LDLRAP1: variants seen among roughly 807,000 people sequenced by gnomAD.
LDLRAP1 encodes low density lipoprotein receptor adaptor protein 1.
Under a neutral mutation model 37.8 loss-of-function variants are expected in LDLRAP1, and 30 were observed. The ratio of observed to expected loss-of-function variants is 0.79; its 90% CI spans 0.59 to 1.08. LDLRAP1 has a LOEUF of 1.08. Ranked by LOEUF, LDLRAP1 falls within the 50% of genes least tolerant of loss-of-function variation. The pLI is 0.00. For missense variants in LDLRAP1, 375 were observed against 401.6 expected (o/e 0.93, Z 0.57); for synonymous variants, 156 against 169.8 (o/e 0.92, Z 0.63).
chr1:25,557,546 G>T, intron 4 of LDLRAP1: 1 of 511,322 alleles, frequency 2.0e-6, no homozygotes, highest in South Asian at 2.2e-5. Context: ...GGGATTTGCT[G>T]GGTTGAGATT....
In LDLRAP1 at chr1:25,544,274, G is replaced by C. The variant is rs1417749550; in HGVS notation, c.88+488G>C. 6.6e-6 allele frequency among the ~76,000 whole-genome samples: 1 copy of C among 152,094 alleles called. No individual in the cohort carries two copies. The highest frequency in any genetic ancestry group is 2.4e-5 in the African/African-American group (1 of 41,444). The stretch of plus-strand genomic sequence containing the variant: ...TGGCCCGTTCTCCCGCCCCCTGCCC[G>C]ACCCACCGGGCCAACTTTTGACTCC... On this transcript the variant is annotated intron_variant, in intron 1 of 8. Transcript: ENST00000374338. The surrounding 1 kb of genome is among the most constrained non-coding windows in gnomAD (Gnocchi z 4.8).
At chr1:25,589,898 C>G in the LDLRAP1 span, among the ~76,000 whole-genome samples, 2 of 152,172 alleles carry the variant, frequency 1.3e-5, no homozygotes, top group East Asian at 3.8e-4. Context: ...GTCAAGAGAT[C>G]GAGGCCATCC....
At chr1:25,584,854 G>A in the LDLRAP1 span, among the ~76,000 whole-genome samples, 1 of 152,088 alleles carries the variant, frequency 6.6e-6, no homozygotes, top group South Asian at 2.1e-4. Flanking sequence ...TCAATTCTGG[G>A]GCAAATGGAA....
At chr1:25,576,582 G>A in the LDLRAP1 span, among the ~76,000 whole-genome samples, 6 of 152,290 alleles carry the variant, frequency 3.9e-5, no homozygotes, top group South Asian at 8.3e-4. Flanking sequence ...AGTATGAGAC[G>A]GTGAAAGGAA....
intron 1 of LDLRAP1, among the ~76,000 whole-genome samples, chr1:25,549,729 G>T (rs1381860407): frequency 6.7e-6 from 1 of 149,470 alleles, no homozygotes; most frequent in Non-Finnish European, 1.5e-5. Context: ...TAAGGCCTCC[G>T]GCTGTGGCTG....
the LDLRAP1 span, among the ~76,000 whole-genome samples, chr1:25,585,324 ATTTTTTGTTTTTTT>A: frequency 6.8e-6 from 1 of 147,250 alleles, no homozygotes; most frequent in African/African-American, 2.6e-5. Context: ...TTTGTTTTTT[ATTTTTTGTTTTTTT>A]TTTTTGAGAC....
At chr1:25,571,303 A>C (rs11247959), downstream of LDLRAP1, among the ~76,000 whole-genome samples, 3 of 152,186 alleles carry the variant, frequency 2.0e-5, no homozygotes, top group Admixed American at 6.5e-5. Context: ...TTCTCTGGAC[A>C]TGCCTAGTTT....
At chr1:25,545,898 A>G (rs1041402997) in intron 1 of LDLRAP1, among the ~76,000 whole-genome samples, 1 of 152,186 alleles carries the variant, frequency 6.6e-6, no homozygotes. Flanking sequence ...CCATTCTCTC[A>G]TTGACTCCTG....
At chr1:25,580,043 C>T in the LDLRAP1 span, among the ~76,000 whole-genome samples, 1 of 152,170 alleles carries the variant, frequency 6.6e-6, no homozygotes, top group East Asian at 1.9e-4. Flanking sequence ...CTCAGGCAAT[C>T]GGCTGGAGAA....
downstream of LDLRAP1, among the ~76,000 whole-genome samples, chr1:25,573,744 T>C (rs1459663024): frequency 6.6e-6 from 1 of 152,190 alleles, no homozygotes; most frequent in African/African-American, 2.4e-5. Flanking sequence ...TGAACTGACC[T>C]GATCGAGATG....
At chr1:25,557,044 A>G (rs982896103) in intron 3 of LDLRAP1, 109 bp from the exon 4 acceptor site, 6 of 807,966 alleles carry the variant, frequency 7.4e-6, no homozygotes, top group Non-Finnish European at 1.3e-5. Context: ...GCCCTGGTGG[A>G]GTGGGAATAG....
the LDLRAP1 span, among the ~76,000 whole-genome samples, chr1:25,582,271 T>C: frequency 2.0e-5 from 3 of 152,222 alleles, no homozygotes; most frequent in Non-Finnish European, 4.4e-5. Context: ...CCCGCTCTAT[T>C]TTAAAATTTA....
rs1039626868 is a variant in LDLRAP1, at chr1:25,567,550, A to C, written c.*558A>C. 9.4e-6 allele frequency: 2 copies of C among 211,904 alleles called. No homozygotes were observed. Among genetic ancestry groups the C allele is most frequent in the South Asian group, 1.4e-4 (2 of 14,706 alleles). 13.1% of individuals were successfully genotyped at this position (211,904 alleles called of 1,614,324 possible). On this transcript the variant is annotated 3_prime_UTR_variant, in exon 9 of 9. Coordinates refer to ENST00000374338, the MANE Select transcript of LDLRAP1 (RefSeq NM_015627.3). The stretch of plus-strand genomic sequence containing the variant: ...GGCGGGGGTTTGAGCCCTGGACCCC[A>C]GGCTCTTAGAGACTAAGGGGCAGCT...
chr1:25,578,541 A>ACTC, the LDLRAP1 span, among the ~76,000 whole-genome samples: 1 of 151,560 alleles, frequency 6.6e-6, no homozygotes. Context: ...ACAAGGTCTC[A>ACTC]CTCTGTCGCC....
At chr1:25,575,444 A>AAAAAAG in the LDLRAP1 span, among the ~76,000 whole-genome samples, 1 of 150,984 alleles carries the variant, frequency 6.6e-6, no homozygotes, top group African/African-American at 2.4e-5. Flanking sequence ...AAAAAAAAAA[A>AAAAAAG]ACCAGCTGTG....
intron 5 of LDLRAP1, 119 bp downstream of exon 5, chr1:25,562,835 A>C (rs1437563077): frequency 2.2e-6 from 2 of 927,580 alleles, no homozygotes; most frequent in African/African-American, 3.4e-5. Flanking sequence ...GACTGTGAGC[A>C]GGTCCCTTCA....
chr1:25,557,131 A>T lies in LDLRAP1; in HGVS notation c.345-22A>T, dbSNP rs750085779. 6.9e-6 allele frequency: 11 copies of T among 1,587,948 alleles called. No homozygotes were observed. The Admixed American group carries it at 1.8e-4, about 26-fold the overall frequency. On this transcript the variant is annotated intron_variant, in intron 3 of 8. Coordinates refer to ENST00000374338, the MANE Select transcript of LDLRAP1 (RefSeq NM_015627.3). ...TCAGGCCCCTGTGCCAGGTCTGGTG[A>T]TGCTTCCTCCTTGCCTTTCAGGATC... is the stretch of plus-strand genomic sequence containing the variant.
chr1:25,570,216 A>G (rs1432597262), downstream of LDLRAP1, among the ~76,000 whole-genome samples: 2 of 152,184 alleles, frequency 1.3e-5, no homozygotes, highest in Non-Finnish European at 2.9e-5. Context: ...CATAATCTGA[A>G]AAGACACCCA....
chr1:25,562,747 G>T (rs764469113), intron 5 of LDLRAP1, 31 bp downstream of exon 5: 17 of 1,595,842 alleles, frequency 1.1e-5, no homozygotes, highest in Non-Finnish European at 1.4e-5. Flanking sequence ...TGTGGGTGTG[G>T]TGGGAGGTGG....
Sources: allele counts gnomAD v4.1 joint callset (sites outside exome capture counted in the v4.1 genomes callset), GRCh38; gene constraint gnomAD v4.1.1; non-coding constraint Gnocchi (gnomAD v3.1); transcripts MANE v1.5; gene names NCBI Gene and HGNC (gene_info 2026-07-23, HGNC 2026-07-21).